Variants in ZNF653 observed in about 807,000 individuals in gnomAD.
The protein encoded by ZNF653 is 67 kDa zinc finger protein.
In ZNF653, 37 loss-of-function variants were observed where a neutral mutation model predicts 59.9. The observed-to-expected ratio is 0.62, with a 90% CI of 0.48 to 0.81. The LOEUF is 0.81. ZNF653 is among the 40% of genes least tolerant of loss of function. The pLI, the probability that ZNF653 is intolerant of heterozygous loss-of-function variation, is 0.00. For synonymous variants in ZNF653, 435 were observed against 371.8 expected, an observed-to-expected ratio of 1.17 and a Z score of -1.96; for missense variants, 808 against 881.1, an observed-to-expected ratio of 0.92 and a Z score of 1.05.
intron 1 of ZNF653, 170 bp downstream of exon 1, chr19:11,505,318 G>A (rs1971701179): frequency 4.7e-6 from 3 of 639,740 alleles, no homozygotes; most frequent in African/African-American, 3.9e-5. Context: ...GCGGGGCCAC[G>A]AGCCAGGCGC....
At position 11,487,224 on chromosome 19, in the gene ZNF653, C is replaced by A. The variant is rs367669709; in HGVS notation, c.1172-66G>T. 14 of 1,598,634 alleles carry A rather than the reference C, an allele frequency of 8.8e-6. No homozygotes were observed. Among genetic ancestry groups the A allele is most frequent in the Non-Finnish European group, 1.2e-5 (14 of 1,172,198 alleles). On this transcript the variant is annotated intron_variant, in intron 4 of 8. Coordinates refer to ENST00000293771, the MANE Select transcript of ZNF653 (RefSeq NM_138783.4). This position sits in a 1 kb window ranked among gnomAD's most constrained non-coding sequence, Gnocchi z 5.1. ...GCTGCCGAGGTGCCCACTTCGAGGG[C>A]CATTCCTCGCCCGGCCCCTCCCAGG...
chr19:11,485,168 T>C (rs1041210634), intron 7 of ZNF653, among the ~76,000 whole-genome samples: 1 of 151,772 alleles, frequency 6.6e-6, no homozygotes, highest in Admixed American at 6.6e-5. Flanking sequence ...ACAGGCACCA[T>C]GGCTCTCCAC....
rs1971475676 is a variant in ZNF653, at chr19:11,487,126, CCTCCTTCTT to C, written c.1195_1203del (p.Lys399_Glu401del). 3 of 1,612,880 alleles carry C rather than the reference CCTCCTTCTT, an allele frequency of 1.9e-6. No individual in the cohort carries two copies. The South Asian group carries it at 3.3e-5, about 18-fold the overall frequency. On this transcript the variant is annotated inframe_deletion, in exon 5 of 9. Transcript: ENST00000293771. The surrounding 1 kb of genome is among the most constrained non-coding windows in gnomAD (Gnocchi z 5.1). Reference sequence around the variant, plus strand: ...TCCGGGGCTACTGGCTCCTCCTTCTCCTCCTTCTTTAGCAAGCACAGGTCCTCCTTCTCT... The same window carrying C: ...TCCGGGGCTACTGGCTCCTCCTTCTCTAGCAAGCACAGGTCCTCCTTCTCT...
At chr19:11,504,986 G>C (rs1186454479) in intron 1 of ZNF653, 1 of 154,164 alleles carries the variant, frequency 6.5e-6, no homozygotes, top group African/African-American at 2.4e-5. Flanking sequence ...AGGTTGTGAA[G>C]GGTCCCCCGG....
At chr19:11,499,803 T>G (rs1468773450) in intron 1 of ZNF653, among the ~76,000 whole-genome samples, 2 of 151,878 alleles carry the variant, frequency 1.3e-5, no homozygotes, top group African/African-American at 2.4e-5. Flanking sequence ...TCCCAGCTAC[T>G]CAGGAGGTTA....
chr19:11,496,076 C>G lies in ZNF653; in HGVS notation c.433G>C (p.Glu145Gln). ...HRCPYEPHLA[E>Q]LDPTFGLYTT... ...TACAGGCCAAAAGTGGGGTCTAGCTCCGCCAGGTGCGGCTCGTACGGGCAG... is the reference window on the plus strand; with the variant it reads ...TACAGGCCAAAAGTGGGGTCTAGCTGCGCCAGGTGCGGCTCGTACGGGCAG... The change falls in exon 3 of 9, where the codon GAG becomes CAG. Residue 145 changes from glutamate to glutamine, a missense_variant. By Grantham distance (29) the Glu-to-Gln change is conservative. Transcript: ENST00000293771. 6.2e-7 allele frequency: 1 copy of G among 1,614,152 alleles called. No homozygotes were observed. Among genetic ancestry groups the G allele is most frequent in the Non-Finnish European group, 8.5e-7 (1 of 1,180,026 alleles).
In ZNF653 at chr19:11,487,666, G is replaced by C; in HGVS notation, c.797C>G (p.Ala266Gly). 2 of 1,613,898 alleles carry C rather than the reference G, an allele frequency of 1.2e-6. No homozygotes were observed. The highest frequency in any genetic ancestry group is 1.7e-6 in the Non-Finnish European group (2 of 1,179,976). Residue 266 changes from alanine to glycine, a missense_variant, in exon 4 of 9, where the codon GCA (alanine) becomes GGA (glycine). Coordinates refer to ENST00000293771, the MANE Select transcript of ZNF653 (RefSeq NM_138783.4). The surrounding 1 kb of genome is among the most constrained non-coding windows in gnomAD (Gnocchi z 5.1). ...CTCCAGGGCTTCAGGCCCATTGCCT[G>C]CTGGGTTGGAGCACAGCGGGGTACC... The part of the protein sequence containing the change: ...EQGTPLCSNP[A>G]GNGPEALETV...
At position 11,487,476 on chromosome 19, in the gene ZNF653, A is replaced by C. The variant is rs1224492090; in HGVS notation, c.987T>G (p.Ala329=). The change falls in exon 4 of 9, where the codon GCT becomes GCG. Residue 329 remains alanine, a synonymous_variant. Transcript: ENST00000293771. This position sits in a 1 kb window ranked among gnomAD's most constrained non-coding sequence, Gnocchi z 5.1. Reference sequence around the variant, plus strand: ...TGAGGTGAATGCCCTCGGCCGTGAGAGCGTCGTAACCAGGGCCCGCAATGA... The same window carrying C: ...TGAGGTGAATGCCCTCGGCCGTGAGCGCGTCGTAACCAGGGCCCGCAATGA... ...VIIIAGPGYD[A]LTAEGIHLNM... is the part of the protein sequence containing the mutation. 1.2e-6 allele frequency: 2 copies of C among 1,613,442 alleles called. No homozygotes were observed. Among genetic ancestry groups the C allele is most frequent in the East Asian group, 2.2e-5 (1 of 44,860 alleles).
chr19:11,493,607 C>T (rs774724078), intron 3 of ZNF653, among the ~76,000 whole-genome samples: 24 of 152,246 alleles, frequency 1.6e-4, no homozygotes, highest in Non-Finnish European at 2.5e-4. Context: ...AGAAGGAGGG[C>T]GCAGTGTCCT....
intron 7 of ZNF653, among the ~76,000 whole-genome samples, chr19:11,485,064 A>T (rs1971451002): frequency 6.7e-6 from 1 of 149,066 alleles, no homozygotes; most frequent in Non-Finnish European, 1.5e-5. Flanking sequence ...CACACACATT[A>T]AAAAAAACCA....
chr19:11,505,544 G>A lies in ZNF653; in HGVS notation c.243C>T (p.Ala81=). 2 of 1,514,962 alleles carry A rather than the reference G, an allele frequency of 1.3e-6. No individual in the cohort carries two copies. Among genetic ancestry groups the A allele is most frequent in the Middle Eastern group, 2.0e-4 (1 of 4,960 alleles). The allele number at this position is 1,514,962 out of a possible 1,614,324, so 93.8% of individuals were successfully genotyped here. Residue 81 remains alanine, a synonymous_variant, in exon 1 of 9, where the codon GCC becomes GCT. Coordinates refer to ENST00000293771, the MANE Select transcript of ZNF653 (RefSeq NM_138783.4). ...GAGAGATGAGGTAGGCGGCGAGCTT[G>A]GCGTCGCTCCAGCCGCTGCGGCGCC... The part of the protein sequence containing the change: ...DLRRRSGWSD[A]KLAAYLISLE...
chr19:11,483,901 G>T, intron 8 of ZNF653, 42 bp from the exon 9 acceptor site: 1 of 1,501,156 alleles, frequency 6.7e-7, no homozygotes, highest in Non-Finnish European at 8.9e-7. Flanking sequence ...GTCAGAGTGG[G>T]CGGGGCGGGG....
intron 7 of ZNF653, 117 bp from the exon 8 acceptor site, chr19:11,484,258 A>C (rs1390608563): frequency 2.4e-6 from 2 of 817,116 alleles, no homozygotes; most frequent in Non-Finnish European, 4.0e-6. Flanking sequence ...CCAGGACTGC[A>C]GGTGCAGGCC....
At chr19:11,488,201 G>A (rs1971492214) in intron 3 of ZNF653, among the ~76,000 whole-genome samples, 1 of 151,182 alleles carries the variant, frequency 6.6e-6, no homozygotes, top group African/African-American at 2.4e-5. Flanking sequence ...CCAGGCTGGA[G>A]TGCAGTGGCG....
At chr19:11,484,269 G>A in intron 7 of ZNF653, 128 bp from the exon 8 acceptor site, 4 of 735,082 alleles carry the variant, frequency 5.4e-6, no homozygotes, top group South Asian at 3.3e-5. Context: ...GGTGCAGGCC[G>A]ACCAAACCCT....
chr19:11,503,010 G>A (rs915972151), intron 1 of ZNF653, among the ~76,000 whole-genome samples: 1 of 151,820 alleles, frequency 6.6e-6, no homozygotes, highest in African/African-American at 2.4e-5. Context: ...CTCCAGCCTG[G>A]GTAACAGAGC....
chr19:11,494,955 G>A (rs188840295), intron 3 of ZNF653, among the ~76,000 whole-genome samples: 6 of 152,218 alleles, frequency 3.9e-5, no homozygotes, highest in Non-Finnish European at 8.8e-5. Flanking sequence ...ATCATGGGAT[G>A]GGGCAGCCGA....
rs765156725 is a variant in ZNF653 at position 11,486,840 on chromosome 19, C to T, written c.1384G>A (p.Gly462Ser). ...SKRSRVMDAD[G>S]LLEMFHCPYE... Reference sequence around the variant, plus strand: ...GGGCAGTGGAACATCTCGAGCAGGCCGTCAGCATCCATCACCCGCGACCGC... The same window carrying T: ...GGGCAGTGGAACATCTCGAGCAGGCTGTCAGCATCCATCACCCGCGACCGC... Residue 462 changes from glycine to serine, a missense_variant, in exon 6 of 9, where the codon GGC (glycine) becomes AGC (serine). Gly to Ser is a moderately conservative substitution (Grantham distance 56). Coordinates refer to ENST00000293771, the MANE Select transcript of ZNF653 (RefSeq NM_138783.4). 23 of 1,611,860 alleles carry T rather than the reference C, an allele frequency of 1.4e-5. No homozygotes were observed. The highest frequency in any genetic ancestry group is 6.7e-5 in the Admixed American group (4 of 59,816).
In ZNF653 at chr19:11,483,945, G is replaced by A. The variant is rs948312705; in HGVS notation, c.1671-86C>T. The A allele has an allele frequency of 1.3e-5, 19 of 1,517,894 alleles. No homozygotes were observed. The African/African-American group carries it at 1.7e-4, about 13-fold the overall frequency. The allele number at this position is 1,517,894 out of a possible 1,614,324, so 94.0% of individuals were successfully genotyped here. ...TACAAGGCCGAGCGCAGGTGGAACC[G>A]GGCCCAGACACTGCGTTGGGGCGAA... On this transcript the variant is annotated intron_variant, in intron 8 of 8. Coordinates refer to ENST00000293771, the MANE Select transcript of ZNF653 (RefSeq NM_138783.4).
Sources: allele counts gnomAD v4.1 joint callset (sites outside exome capture counted in the v4.1 genomes callset), GRCh38; gene constraint gnomAD v4.1.1; non-coding constraint Gnocchi (gnomAD v3.1); transcripts MANE v1.5; gene names NCBI Gene and HGNC (gene_info 2026-07-23, HGNC 2026-07-21).